The following URI1 variants were observed in gnomAD, a reference collection of about 807,000 sequenced individuals.
The protein encoded by URI1 is unconventional prefoldin RPB5 interactor 1.
URI1 carries 39 observed loss-of-function variants against 60.2 expected under a neutral mutation model. The ratio of observed to expected loss-of-function variants is 0.65; its 90% CI spans 0.50 to 0.85. The LOEUF (loss-of-function observed/expected upper bound fraction) is 0.85, where lower values mean the gene tolerates loss of function less well. Among genes scored for constraint, URI1 ranks in the 40% least tolerant of loss-of-function variants. URI1 has a pLI of 0.00. For synonymous variants in URI1, 251 were observed against 236.8 expected (o/e 1.06, Z -0.55); for missense variants, 691 against 665.9 (o/e 1.04, Z -0.42).
intron 1 of URI1, among the ~76,000 whole-genome samples, chr19:29,963,244 A>G (rs967714600): frequency 6.6e-6 from 1 of 152,160 alleles, no homozygotes; most frequent in Non-Finnish European, 1.5e-5. Flanking sequence ...TGGATCTTGC[A>G]CTTACACTGT....
intron 1 of URI1, among the ~76,000 whole-genome samples, chr19:29,964,464 G>GTTTTTTTTTTTTTTTTTTTTTTTTTTGT (rs373357906): frequency 8.0e-6 from 1 of 124,656 alleles, no homozygotes; most frequent in African/African-American, 3.0e-5. Flanking sequence ...TTTTTGTTTT[G>GTTTTTTTTTTTTTTTTTTTTTTTTTTGT]TTTTTTTTTT....
At chr19:29,995,102 A>G (rs1475675089) in intron 4 of URI1, among the ~76,000 whole-genome samples, 1 of 151,978 alleles carries the variant, frequency 6.6e-6, no homozygotes, top group Non-Finnish European at 1.5e-5. Context: ...TTTTTTAAGG[A>G]ACCTCCATTC....
Position 29,955,611 on chromosome 19 carries a change from G to T in URI1, c.117+12947G>T, listed in dbSNP as rs139467382. On this transcript the variant is annotated intron_variant, in intron 1 of 10. Transcript: ENST00000392271. ...AAACTAGGAATTCCTTGAATTGGCT[G>T]TTTCCTGTGATCTTCATTGCCATTT... Among the ~76,000 whole-genome samples, 595 of 151,988 alleles carry T rather than the reference G, an allele frequency of 3.9e-3. 2 individuals are homozygous for T. Among genetic ancestry groups the T allele is most frequent in the African/African-American group, 0.014 (566 of 41,452 alleles).
chr19:30,010,092 C>G (rs964382678), intron 8 of URI1, among the ~76,000 whole-genome samples: 110 of 152,250 alleles, frequency 7.2e-4, no homozygotes, highest in African/African-American at 2.4e-3. Context: ...GGGAATTCGT[C>G]TAATTCGTCT....
intron 10 of URI1, among the ~76,000 whole-genome samples, chr19:30,013,663 T>C (rs183980956): frequency 1.2e-4 from 19 of 152,320 alleles, no homozygotes; most frequent in African/African-American, 4.6e-4. Flanking sequence ...GCTATACATT[T>C]TTTAACATCA....
At position 29,942,586 on chromosome 19, in the gene URI1, G is replaced by A; in HGVS notation, c.39G>A (p.Ser13=). The A allele has an allele frequency of 7.7e-7, 1 of 1,301,690 alleles. No individual in the cohort carries two copies. Among genetic ancestry groups the A allele is most frequent in the Non-Finnish European group, 9.9e-7 (1 of 1,014,408 alleles). The allele number at this position is 1,301,690 out of a possible 1,614,324, so 80.6% of individuals were successfully genotyped here. A position where few individuals can be genotyped will look rare whatever the true frequency, so the allele number is the denominator to read the frequency against. The change falls in exon 1 of 11, where the codon TCG becomes TCA. Residue 13 remains serine, a synonymous_variant. Transcript: ENST00000392271. The part of the protein sequence containing the change: ...APTVETPPDP[S]PPSAPAPALV... ...CCGTGGAGACGCCCCCCGACCCCTC[G>A]CCCCCTTCGGCCCCGGCCCCTGCCC...
chr19:29,933,575 C>A (rs970826833), intron 1 of URI1, among the ~76,000 whole-genome samples: 1 of 152,002 alleles, frequency 6.6e-6, no homozygotes, highest in Non-Finnish European at 1.5e-5. Flanking sequence ...AATCCTAGCA[C>A]TTTTGGAGGC....
chr19:29,954,209 A>C (rs1013094165), intron 1 of URI1, among the ~76,000 whole-genome samples: 1 of 152,230 alleles, frequency 6.6e-6, no homozygotes, highest in Non-Finnish European at 1.5e-5. Context: ...GCAAACCTGA[A>C]GTAAAGTTCA....
intron 1 of URI1, among the ~76,000 whole-genome samples, chr19:29,949,779 G>C (rs1182958669): frequency 6.6e-6 from 1 of 152,138 alleles, no homozygotes. Context: ...GCGTGGCGGC[G>C]CGCGCCTGCA....
At position 29,996,039 on chromosome 19, in the gene URI1, A is replaced by T. The variant is rs1274703297; in HGVS notation, c.368-9322A>T. ...TATAGTAAGTTTTGAAAACAGAAAGATGAGACTTACAACTTAGTTTTTCTT... is the reference window on the plus strand; with the variant it reads ...TATAGTAAGTTTTGAAAACAGAAAGTTGAGACTTACAACTTAGTTTTTCTT... On this transcript the variant is annotated intron_variant, in intron 4 of 10. Transcript: ENST00000392271. 2.6e-5 allele frequency among the ~76,000 whole-genome samples: 4 copies of T among 152,146 alleles called. No homozygotes were observed. The South Asian group carries it at 8.3e-4, about 32-fold the overall frequency.
chr19:29,945,323 CTCTT>C (rs1203131568), intron 1 of URI1, among the ~76,000 whole-genome samples: 1 of 152,134 alleles, frequency 6.6e-6, no homozygotes, highest in Non-Finnish European at 1.5e-5. Flanking sequence ...ATTAGTTTTG[CTCTT>C]TCTTTTTTTC....
At chr19:29,981,834 C>T (rs1387416249) in intron 2 of URI1, among the ~76,000 whole-genome samples, 1 of 151,866 alleles carries the variant, frequency 6.6e-6, no homozygotes, top group Non-Finnish European at 1.5e-5. Context: ...TGTAATGACT[C>T]CTGTGTCCAA....
intron 3 of URI1, 113 bp from the exon 4 acceptor site, chr19:29,986,169 A>G (rs2055665321): frequency 8.7e-6 from 9 of 1,036,770 alleles, no homozygotes; most frequent in Admixed American, 3.7e-5. Flanking sequence ...ATTTTTCCCA[A>G]TGTATAAATA....
chr19:30,012,501 G>A lies in URI1; in HGVS notation c.1395G>A (p.Lys465=). ...AAGAGGAACCACAAGAAAATCAAAAGAAACTTTTGCCCTTATCAGTAACAC... is the reference window on the plus strand; with the variant it reads ...AAGAGGAACCACAAGAAAATCAAAAAAAACTTTTGCCCTTATCAGTAACAC... ...ILEEEPQENQ[K]KLLPLSVTPE... The change falls in exon 10 of 11, where the codon AAG becomes AAA. Residue 465 remains lysine (K), a synonymous_variant. Transcript: ENST00000392271. 6.2e-7 allele frequency: 1 copy of A among 1,614,130 alleles called. No individual in the cohort carries two copies.
Position 30,009,120 on chromosome 19 carries a change from T to C in URI1, c.802T>C (p.Cys268Arg). 1 of 1,614,020 alleles carries C rather than the reference T, an allele frequency of 6.2e-7. No individual in the cohort carries two copies. The highest frequency in any genetic ancestry group is 8.5e-7 in the Non-Finnish European group (1 of 1,179,962). Residue 268 changes from cysteine to arginine, a missense_variant, in exon 8 of 11, where the codon TGT becomes CGT. Transcript: ENST00000392271. ...MHQVTDSHTP[C>R]HKDVASSEPF... ...TCAAGTAACAGACTCTCATACTCCTTGTCATAAGGATGTTGCAAGTTCAGA... is the reference window on the plus strand; with the variant it reads ...TCAAGTAACAGACTCTCATACTCCTCGTCATAAGGATGTTGCAAGTTCAGA...
At chr19:29,923,765 G>A in intron 1 of URI1, 1 of 1,536,366 alleles carries the variant, frequency 6.5e-7, no homozygotes, top group Non-Finnish European at 8.7e-7. Context: ...GTGAGTTGAA[G>A]CTTGACAGTG....
intron 1 of URI1, among the ~76,000 whole-genome samples, chr19:29,928,183 C>T (rs1026573216): frequency 1.3e-5 from 2 of 152,004 alleles, no homozygotes; most frequent in African/African-American, 4.8e-5. Context: ...GAGAGCTGCC[C>T]GGCTGCCTGG....
Position 29,986,297 on chromosome 19 carries a change from T to G in URI1, c.247T>G (p.Phe83Val), listed in dbSNP as rs1012431680. 8 of 1,598,750 alleles carry G rather than the reference T, an allele frequency of 5.0e-6. No individual in the cohort carries two copies. The highest frequency in any genetic ancestry group is 5.9e-6 in the Non-Finnish European group (7 of 1,176,560). Reference protein sequence around the residue: ...SYNIMVPFGPFAFMPGKLVHT... With the variant: ...SYNIMVPFGPVAFMPGKLVHT... ...TAAACAATAGGTACCATTTGGCCCT[T>G]TTGCCTTCATGCCAGGAAAACTTGT... The change falls in exon 4 of 11, where the codon TTT becomes GTT. Residue 83 changes from phenylalanine (F) to valine (V), a missense_variant. Physicochemically the swap from Phe to Val is conservative, Grantham distance 50. Transcript: ENST00000392271.
At chr19:29,957,250 A>T (rs1005639182) in intron 1 of URI1, among the ~76,000 whole-genome samples, 1 of 132,754 alleles carries the variant, frequency 7.5e-6, no homozygotes, top group African/African-American at 2.7e-5. Flanking sequence ...TGTCAATCAA[A>T]TGAAGGTCTG....
Sources: allele counts gnomAD v4.1 joint callset (sites outside exome capture counted in the v4.1 genomes callset), GRCh38; gene constraint gnomAD v4.1.1; transcripts MANE v1.5; gene names NCBI Gene and HGNC (gene_info 2026-07-23, HGNC 2026-07-21).